Variants in ELMO1 observed in about 807,000 individuals in gnomAD.
The protein encoded by ELMO1 is engulfment and cell motility protein 1.
Under a neutral mutation model 98.9 loss-of-function variants are expected in ELMO1, and 26 were observed. That is an observed-to-expected ratio of 0.26 (90% confidence interval 0.19 to 0.36). The LOEUF (loss-of-function observed/expected upper bound fraction) is 0.36. Ranked by LOEUF, ELMO1 falls within the 10% of genes least tolerant of loss-of-function variation. ELMO1 has a pLI of 1.00. For synonymous variants in ELMO1, 346 were observed against 346.0 expected (o/e 1.00, Z 0.00); for missense variants, 627 against 935.2 (o/e 0.67, Z 4.30).
At chr7:37,366,700 C>A (rs1296204722) in intron 1 of ELMO1, among the ~76,000 whole-genome samples, 3 of 152,208 alleles carry the variant, frequency 2.0e-5, no homozygotes, top group Admixed American at 6.5e-5. Context: ...AATCTCCCCC[C>A]TGTAGCATCA....
intron 15 of ELMO1, among the ~76,000 whole-genome samples, chr7:37,076,899 G>A (rs1797612516): frequency 1.3e-5 from 2 of 152,244 alleles, no homozygotes; most frequent in African/African-American, 2.4e-5. Context: ...ATCTGGCACT[G>A]CGGCTAAGAG....
intron 13 of ELMO1, among the ~76,000 whole-genome samples, chr7:37,163,885 T>C (rs1413518448): frequency 2.0e-5 from 3 of 152,260 alleles, no homozygotes; most frequent in African/African-American, 4.8e-5. Context: ...ATGGTATTTC[T>C]AGTTCTAGAT....
chr7:37,171,483 A>ATTT (rs71780142), intron 13 of ELMO1, among the ~76,000 whole-genome samples: 25,796 of 81,958 alleles, frequency 0.31, 9,829 homozygotes, highest in East Asian at 0.45. Flanking sequence ...AGGCCTTTCT[A>ATTT]TTTTTTTTTT....
chr7:36,867,981 G>A (rs374393773), intron 20 of ELMO1, among the ~76,000 whole-genome samples: 10 of 152,112 alleles, frequency 6.6e-5, no homozygotes, highest in East Asian at 1.9e-4. Context: ...GTATTCTGCC[G>A]TTGCTGAGTG....
intron 14 of ELMO1, among the ~76,000 whole-genome samples, chr7:37,127,463 G>C (rs542715651): frequency 2.6e-5 from 4 of 152,134 alleles, no homozygotes; most frequent in African/African-American, 7.2e-5. Context: ...AGATTTGGAG[G>C]CTTGTCTACT....
In ELMO1 at chr7:37,188,652, G is replaced by C. The variant is rs548910391; in HGVS notation, c.1086+22734C>G. Among the ~76,000 whole-genome samples the C allele has an allele frequency of 2.0e-5, 3 of 152,048 alleles. No homozygotes were observed. In the East Asian group the frequency reaches 5.8e-4, roughly 29 times the overall value. On this transcript the variant is annotated intron_variant, in intron 13 of 21. Coordinates refer to ENST00000310758, the MANE Select transcript of ELMO1 (RefSeq NM_014800.11). Reference sequence around the variant, plus strand: ...GTAAAGATAAAAGAAAATCTTTAGAGTTATGAAACGGCCTAGGCGTTAGAA... The same window carrying C: ...GTAAAGATAAAAGAAAATCTTTAGACTTATGAAACGGCCTAGGCGTTAGAA...
At chr7:37,310,342 T>C (rs995230578) in intron 4 of ELMO1, among the ~76,000 whole-genome samples, 1 of 152,210 alleles carries the variant, frequency 6.6e-6, no homozygotes, top group Admixed American at 6.5e-5. Flanking sequence ...CCTCATGGCT[T>C]TCCTCTACTG....
At chr7:37,046,867 C>G (rs548140301) in intron 15 of ELMO1, among the ~76,000 whole-genome samples, 166 of 152,244 alleles carry the variant, frequency 1.1e-3, no homozygotes, top group African/African-American at 3.8e-3. Context: ...GTACAAAGAA[C>G]AAAGGGGTTT....
intron 1 of ELMO1, among the ~76,000 whole-genome samples, chr7:37,385,403 G>T (rs1258463736): frequency 1.3e-5 from 2 of 152,154 alleles, no homozygotes; most frequent in Admixed American, 1.3e-4. Context: ...GGGCTGTTCA[G>T]CTGCCCACAA....
At chr7:37,206,183 G>T (rs997118155) in intron 13 of ELMO1, among the ~76,000 whole-genome samples, 7 of 152,090 alleles carry the variant, frequency 4.6e-5, no homozygotes, top group African/African-American at 1.4e-4. Context: ...TAGATTCACA[G>T]ACTATGTAGC....
At chr7:36,985,667 T>C (rs181317568) in intron 16 of ELMO1, among the ~76,000 whole-genome samples, 3 of 152,332 alleles carry the variant, frequency 2.0e-5, no homozygotes, top group Non-Finnish European at 4.4e-5. Flanking sequence ...AAAGCAGAAC[T>C]CTGCTCCTTA....
At chr7:37,351,132 A>C (rs1801246928) in intron 1 of ELMO1, 1 of 152,272 alleles carries the variant, frequency 6.6e-6, no homozygotes, top group Admixed American at 6.5e-5. Flanking sequence ...CTTTATAAAA[A>C]TTTAGAGACA....
At chr7:36,964,609 CTTT>C (rs1554373773) in intron 16 of ELMO1, among the ~76,000 whole-genome samples, 2 of 152,064 alleles carry the variant, frequency 1.3e-5, no homozygotes, top group African/African-American at 2.4e-5. Context: ...AAGGGCCTTC[CTTT>C]TTTTAACTAA....
intron 16 of ELMO1, among the ~76,000 whole-genome samples, chr7:36,902,411 A>C (rs1194808761): frequency 6.6e-6 from 1 of 152,182 alleles, no homozygotes; most frequent in African/African-American, 2.4e-5. Flanking sequence ...GATGAGACCT[A>C]ATTTAGAGCC....
chr7:37,438,653 T>G (rs1478903162), intron 1 of ELMO1, among the ~76,000 whole-genome samples: 2 of 151,642 alleles, frequency 1.3e-5, no homozygotes, highest in African/African-American at 4.9e-5. Context: ...TAATAGCAAA[T>G]CCAACCCAAC....
At chr7:37,061,419 T>C (rs886884675) in intron 15 of ELMO1, among the ~76,000 whole-genome samples, 1 of 152,130 alleles carries the variant, frequency 6.6e-6, no homozygotes, top group African/African-American at 2.4e-5. Flanking sequence ...GCCTAACGAA[T>C]AGTGGAACAA....
At chr7:37,039,579 A>G (rs548332504) in intron 15 of ELMO1, among the ~76,000 whole-genome samples, 2 of 152,340 alleles carry the variant, frequency 1.3e-5, no homozygotes, top group South Asian at 4.1e-4. Flanking sequence ...GAAGCACTAT[A>G]TGAGCACACA....
chr7:36,942,076 T>C (rs1251282790), intron 16 of ELMO1, among the ~76,000 whole-genome samples: 1 of 152,234 alleles, frequency 6.6e-6, no homozygotes, highest in East Asian at 1.9e-4. Flanking sequence ...TAATTTGTAA[T>C]TTACATAAAA....
At chr7:37,179,081 G>C (rs1790677373) in intron 13 of ELMO1, among the ~76,000 whole-genome samples, 1 of 152,120 alleles carries the variant, frequency 6.6e-6, no homozygotes, top group Admixed American at 6.5e-5. Flanking sequence ...ATTGCCGGAA[G>C]CTAGGTAAAG....
Sources: allele counts gnomAD v4.1 joint callset (sites outside exome capture counted in the v4.1 genomes callset), GRCh38; gene constraint gnomAD v4.1.1; transcripts MANE v1.5; gene names NCBI Gene and HGNC (gene_info 2026-07-23, HGNC 2026-07-21).